RHBDD1: variants seen among roughly 807,000 people sequenced by gnomAD.
RHBDD1 encodes the protein rhomboid-related protein 4.
Under a neutral mutation model 36.3 loss-of-function variants are expected in RHBDD1, and 38 were observed. That is an observed-to-expected ratio of 1.05 (90% CI 0.81 to 1.37). The LOEUF is 1.37. RHBDD1 is among the 40% of genes most tolerant of loss of function. The probability of loss-of-function intolerance (pLI) is 0.00; values close to 1 mark genes in which losing one functional copy is unlikely to be tolerated. For missense variants in RHBDD1, 393 were observed against 377.6 expected, an observed-to-expected ratio of 1.04 and a Z score of -0.34; for synonymous variants, 151 against 136.5, an observed-to-expected ratio of 1.11 and a Z score of -0.74.
At position 226,944,084 on chromosome 2, in the gene RHBDD1, A is replaced by G. The variant is rs112239405; in HGVS notation, c.856+29733A>G. 3.2e-3 allele frequency among the ~76,000 whole-genome samples: 484 copies of G among 152,030 alleles called. 4 individuals are homozygous for G. Among genetic ancestry groups the G allele is most frequent in the African/African-American group, 0.011 (459 of 41,328 alleles). ...CTGGTGGTAGCGACAGGGGGAAGTGAAAGACCACTGAGTGCCTCTTAAATC... is the reference window on the plus strand; with the variant it reads ...CTGGTGGTAGCGACAGGGGGAAGTGGAAGACCACTGAGTGCCTCTTAAATC... On this transcript the variant is annotated intron_variant, in intron 8 of 8. Transcript: ENST00000392062.
the RHBDD1 span, among the ~76,000 whole-genome samples, chr2:226,814,533 A>G: frequency 6.6e-6 from 1 of 152,162 alleles, no homozygotes; most frequent in South Asian, 2.1e-4. Context: ...GGAAACCTTG[A>G]GCAAAGGTAG....
chr2:226,976,879 T>C (rs1954687163), intron 8 of RHBDD1, among the ~76,000 whole-genome samples: 3 of 152,182 alleles, frequency 2.0e-5, no homozygotes, highest in Admixed American at 2.0e-4. Context: ...GCATTTTATA[T>C]ATAAAACTGA....
upstream of RHBDD1, among the ~76,000 whole-genome samples, chr2:226,833,530 C>T (rs901359857): frequency 2.0e-5 from 3 of 152,164 alleles, no homozygotes. Context: ...AGTCGGGTGG[C>T]TTAATCATAG....
At chr2:226,863,865 A>C (rs183442470) in intron 3 of RHBDD1, among the ~76,000 whole-genome samples, 18 of 152,270 alleles carry the variant, frequency 1.2e-4, no homozygotes, top group African/African-American at 4.3e-4. Flanking sequence ...GTCAACCCCA[A>C]ATCACCCTTG....
chr2:226,933,917 A>G (rs1950183741), intron 8 of RHBDD1, among the ~76,000 whole-genome samples: 1 of 152,100 alleles, frequency 6.6e-6, no homozygotes, highest in Admixed American at 6.6e-5. Flanking sequence ...ATAGATAGAA[A>G]CTATAGTTTC....
intron 8 of RHBDD1, among the ~76,000 whole-genome samples, chr2:226,956,211 C>G (rs147797823): frequency 3.3e-5 from 5 of 152,128 alleles, no homozygotes; most frequent in African/African-American, 9.7e-5. Flanking sequence ...GTGGGACTTG[C>G]TCAACTTGCT....
intron 8 of RHBDD1, among the ~76,000 whole-genome samples, chr2:226,952,853 C>G (rs995118207): frequency 6.6e-6 from 1 of 151,348 alleles, no homozygotes; most frequent in Admixed American, 6.6e-5. Flanking sequence ...AAGGCATCAA[C>G]AAAAATAGCT....
the RHBDD1 span, chr2:226,803,999 A>G: frequency 6.6e-6 from 1 of 152,218 alleles, no homozygotes; most frequent in Admixed American, 6.5e-5. Flanking sequence ...CTAATGACTG[A>G]TGATTAATTG....
the RHBDD1 span, among the ~76,000 whole-genome samples, chr2:226,826,484 A>G: frequency 6.6e-6 from 1 of 151,036 alleles, no homozygotes; most frequent in Non-Finnish European, 1.5e-5. Flanking sequence ...TATTACTGAC[A>G]GGATTCTCCT....
intron 5 of RHBDD1, among the ~76,000 whole-genome samples, chr2:226,872,905 T>C (rs188255956): frequency 5.9e-4 from 90 of 152,358 alleles, no homozygotes; most frequent in African/African-American, 2.1e-3. Context: ...AGGAACATGG[T>C]ACATTTATAA....
intron 3 of RHBDD1, among the ~76,000 whole-genome samples, chr2:226,857,046 T>C (rs1267240973): frequency 6.6e-6 from 1 of 152,070 alleles, no homozygotes; most frequent in African/African-American, 2.4e-5. Flanking sequence ...TTTCTGAAGA[T>C]TTCTCTTGAC....
At position 226,988,776 on chromosome 2, in the gene RHBDD1, C is replaced by G. The variant is rs1430820459; in HGVS notation, c.857-6655C>G. The G allele has an allele frequency of 8.2e-6, 7 of 854,828 alleles. No homozygotes were observed. In the African/African-American group the frequency reaches 1.3e-4, roughly 16 times the overall value. 53.0% of individuals were successfully genotyped at this position (854,828 alleles called of 1,614,324 possible). On this transcript the variant is annotated intron_variant, in intron 8 of 8. Transcript: ENST00000392062. ...AGAGAATTATTCCTGTAAGAAGTTA[C>G]AAACTGTTCTCTATTTTAGAAAATA...
At chr2:226,801,359 G>A in the RHBDD1 span, among the ~76,000 whole-genome samples, 1 of 152,176 alleles carries the variant, frequency 6.6e-6, no homozygotes, top group South Asian at 2.1e-4. Flanking sequence ...TACCAAGGTA[G>A]GTTGCAAAGC....
At chr2:226,929,850 G>T (rs1024819083) in intron 8 of RHBDD1, among the ~76,000 whole-genome samples, 1 of 151,902 alleles carries the variant, frequency 6.6e-6, no homozygotes, top group African/African-American at 2.4e-5. Context: ...CACACCAACA[G>T]CCACTAAGCT....
intron 5 of RHBDD1, among the ~76,000 whole-genome samples, chr2:226,897,049 T>G (rs965566227): frequency 1.3e-5 from 2 of 152,172 alleles, no homozygotes; most frequent in Admixed American, 1.3e-4. Context: ...GTAATCCACC[T>G]GCCTCGGCCT....
At chr2:226,913,184 A>C (rs1056130727) in intron 7 of RHBDD1, among the ~76,000 whole-genome samples, 1 of 152,100 alleles carries the variant, frequency 6.6e-6, no homozygotes, top group African/African-American at 2.4e-5. Context: ...TAAAGCTCCA[A>C]CTCAGGCCTG....
At chr2:226,863,832 A>G (rs1160149176) in intron 3 of RHBDD1, among the ~76,000 whole-genome samples, 4 of 152,228 alleles carry the variant, frequency 2.6e-5, no homozygotes, top group South Asian at 2.1e-4. Context: ...GAAGCGGGCT[A>G]GTAAGCCATG....
At chr2:226,891,579 A>G (rs184722042) in intron 5 of RHBDD1, among the ~76,000 whole-genome samples, 37 of 152,318 alleles carry the variant, frequency 2.4e-4, no homozygotes, top group Admixed American at 2.2e-3. Context: ...TTTCATTCTC[A>G]GAAGAGTTCT....
chr2:226,851,836 C>G (rs1942846313), intron 3 of RHBDD1, among the ~76,000 whole-genome samples: 2 of 152,182 alleles, frequency 1.3e-5, no homozygotes, highest in South Asian at 4.1e-4. Context: ...TTACCTGAAA[C>G]CAATGCTCAT....
Sources: allele counts gnomAD v4.1 joint callset (sites outside exome capture counted in the v4.1 genomes callset), GRCh38; gene constraint gnomAD v4.1.1; transcripts MANE v1.5; gene names NCBI Gene and HGNC (gene_info 2026-07-23, HGNC 2026-07-21).